CTDSP2: variants seen among roughly 807,000 people sequenced by gnomAD.
CTDSP2 encodes the protein CTD small phosphatase 2.
A neutral mutation model predicts 31.6 loss-of-function variants in CTDSP2; 9 were observed. That is an observed-to-expected ratio of 0.28 (90% confidence interval 0.17 to 0.50). The LOEUF is 0.50. CTDSP2 is among the 20% of genes least tolerant of loss of function. CTDSP2 has a pLI of 0.98. For missense variants in CTDSP2, 267 were observed against 348.5 expected (o/e 0.77, Z 1.86); for synonymous variants, 134 against 134.5 (o/e 1.00, Z 0.03).
At chr12:57,828,793 G>A (rs899535616) in intron 2 of CTDSP2, among the ~76,000 whole-genome samples, 5 of 152,268 alleles carry the variant, frequency 3.3e-5, no homozygotes, top group African/African-American at 1.2e-4. Context: ...AAGTACCACT[G>A]GCTTTTGGGG....
At chr12:57,824,535 A>G in intron 5 of CTDSP2, 1 of 667,202 alleles carries the variant, frequency 1.5e-6, no homozygotes, top group Non-Finnish European at 2.8e-6. Context: ...AGTGGTCCCA[A>G]CCTCAACCTG....
intron 1 of CTDSP2, among the ~76,000 whole-genome samples, chr12:57,830,248 G>GT (rs1480778914): frequency 6.6e-6 from 1 of 152,156 alleles, no homozygotes; most frequent in African/African-American, 2.4e-5. Context: ...AGCCAGGTGA[G>GT]GTGGCGGGTG....
intron 2 of CTDSP2, among the ~76,000 whole-genome samples, chr12:57,827,876 G>A (rs1035507099): frequency 6.6e-6 from 1 of 152,212 alleles, no homozygotes; most frequent in African/African-American, 2.4e-5. Context: ...GGGAACTCAA[G>A]TAACTGATTC....
chr12:57,831,604 T>A (rs1956216273), intron 1 of CTDSP2, among the ~76,000 whole-genome samples: 1 of 152,234 alleles, frequency 6.6e-6, no homozygotes, highest in African/African-American at 2.4e-5. Flanking sequence ...CCCAGTTCTC[T>A]TCTCCAGAGG....
rs1956134294 is a variant in CTDSP2 at position 57,820,044 on chromosome 12, A to T, written c.*3558T>A. The T allele has an allele frequency of 6.6e-6, 1 of 152,656 alleles. No homozygotes were observed. Among genetic ancestry groups the T allele is most frequent in the Non-Finnish European group, 1.5e-5 (1 of 68,046 alleles). 9.5% of individuals were successfully genotyped at this position (152,656 alleles called of 1,614,324 possible). Reference sequence around the variant, plus strand: ...GCATTTCAAGTTTTTGAATACAACAAATTTATCAAACCATGAATCTGTAAG... The same window carrying T: ...GCATTTCAAGTTTTTGAATACAACATATTTATCAAACCATGAATCTGTAAG... On this transcript the variant is annotated 3_prime_UTR_variant, in exon 8 of 8. Coordinates refer to ENST00000398073, the MANE Select transcript of CTDSP2 (RefSeq NM_005730.4).
At chr12:57,826,305 C>T in intron 5 of CTDSP2, 41 bp downstream of exon 5, 2 of 1,595,434 alleles carry the variant, frequency 1.3e-6, no homozygotes, top group East Asian at 2.2e-5. Context: ...AAGGCAGACC[C>T]CCCACCCTCT....
At chr12:57,832,473 T>G (rs557936329) in intron 1 of CTDSP2, among the ~76,000 whole-genome samples, 1 of 151,596 alleles carries the variant, frequency 6.6e-6, no homozygotes, top group Non-Finnish European at 1.5e-5. Flanking sequence ...CTGGGCAACA[T>G]AGCAAGACCT....
chr12:57,835,268 C>T (rs573236686), intron 1 of CTDSP2, among the ~76,000 whole-genome samples: 7 of 150,162 alleles, frequency 4.7e-5, no homozygotes, highest in African/African-American at 9.8e-5. Flanking sequence ...GCGGAGGCTG[C>T]GGTGAGCCAA....
At chr12:57,844,344 T>C (rs1439136963) in intron 1 of CTDSP2, among the ~76,000 whole-genome samples, 4 of 152,214 alleles carry the variant, frequency 2.6e-5, no homozygotes, top group Admixed American at 2.0e-4. Flanking sequence ...TCTGCTGTTA[T>C]CTATTCTGTA....
In CTDSP2 at chr12:57,840,022, T is replaced by C. The variant is rs553162462; in HGVS notation, c.64+6350A>G. 1.8e-4 allele frequency among the ~76,000 whole-genome samples: 28 copies of C among 152,236 alleles called. No individual in the cohort carries two copies. The South Asian group carries it at 5.6e-3, about 30-fold the overall frequency. ...ACTCTGAAAACTTTAGGACTCCCCTTGAAGAGCCACAGATCTTTAACATAC... is the reference window on the plus strand; with the variant it reads ...ACTCTGAAAACTTTAGGACTCCCCTCGAAGAGCCACAGATCTTTAACATAC... On this transcript the variant is annotated intron_variant, in intron 1 of 7. Transcript: ENST00000398073.
intron 3 of CTDSP2, 113 bp downstream of exon 3, chr12:57,827,439 T>A: frequency 8.5e-7 from 1 of 1,171,188 alleles, no homozygotes; most frequent in Non-Finnish European, 1.3e-6. Flanking sequence ...GCTTCCCAGG[T>A]CAGGGAGGTG....
At chr12:57,826,039 G>A (rs1397037395) in intron 5 of CTDSP2, among the ~76,000 whole-genome samples, 9 of 152,212 alleles carry the variant, frequency 5.9e-5, no homozygotes, top group Non-Finnish European at 1.2e-4. Flanking sequence ...GGCCACGTGA[G>A]GGGATGGTGG....
At chr12:57,835,355 CTA>C (rs201590443) in intron 1 of CTDSP2, among the ~76,000 whole-genome samples, 2,239 of 151,814 alleles carry the variant, frequency 0.015, 46 homozygotes, top group African/African-American at 0.048. Flanking sequence ...TGAGGTCTCA[CTA>C]TGTTGCCCAG....
intron 1 of CTDSP2, among the ~76,000 whole-genome samples, chr12:57,845,247 A>G (rs1956307387): frequency 6.6e-6 from 1 of 152,054 alleles, no homozygotes; most frequent in Non-Finnish European, 1.5e-5. Flanking sequence ...GGGGCTCTCT[A>G]GAGAAACGCC....
At chr12:57,827,173 A>C (rs568952881) in intron 3 of CTDSP2, 76 bp from the exon 4 acceptor site, 2 of 1,086,482 alleles carry the variant, frequency 1.8e-6, no homozygotes, top group Non-Finnish European at 2.8e-6. Context: ...TTATGGGAAG[A>C]GCTGGGTTGT....
intron 4 of CTDSP2, 103 bp from the exon 5 acceptor site, chr12:57,826,505 T>C: frequency 9.1e-7 from 1 of 1,092,984 alleles, no homozygotes; most frequent in Non-Finnish European, 1.4e-6. Flanking sequence ...TAAAGACTCC[T>C]GGAAGTGCCT....
chr12:57,826,562 C>T (rs1164018479), intron 4 of CTDSP2, among the ~76,000 whole-genome samples, 160 bp from the exon 5 acceptor site: 1 of 152,198 alleles, frequency 6.6e-6, no homozygotes, highest in South Asian at 2.1e-4. Context: ...AGATGTGATA[C>T]CCCATTCTGG....
At chr12:57,832,325 T>C (rs1218661409) in intron 1 of CTDSP2, among the ~76,000 whole-genome samples, 2 of 152,176 alleles carry the variant, frequency 1.3e-5, no homozygotes, top group African/African-American at 4.8e-5. Flanking sequence ...TGTCATGAAG[T>C]TGTGCTGGGG....
intron 1 of CTDSP2, among the ~76,000 whole-genome samples, chr12:57,843,716 G>A (rs1956296226): frequency 6.6e-6 from 1 of 152,184 alleles, no homozygotes; most frequent in East Asian, 1.9e-4. Flanking sequence ...GTGGGGAGAA[G>A]AAGGAACTCC....
Sources: allele counts gnomAD v4.1 joint callset (sites outside exome capture counted in the v4.1 genomes callset), GRCh38; gene constraint gnomAD v4.1.1; transcripts MANE v1.5; gene names NCBI Gene and HGNC (gene_info 2026-07-23, HGNC 2026-07-21).